The following EPHB2 variants were observed in gnomAD, a reference collection of about 807,000 sequenced individuals.
The protein encoded by EPHB2 is ephrin type-B receptor 2.
EPHB2 carries 18 observed loss-of-function variants against 96.4 expected under a neutral mutation model. That is an observed-to-expected ratio of 0.19 (90% CI 0.13 to 0.28). The LOEUF is 0.28. EPHB2 is among the 10% of genes least tolerant of loss of function. The probability of loss-of-function intolerance (pLI) is 1.00; values close to 1 mark genes in which losing one functional copy is unlikely to be tolerated. For synonymous variants in EPHB2, 506 were observed against 534.1 expected (o/e 0.95, Z 0.72); for missense variants, 989 against 1,355.4 (o/e 0.73, Z 4.25).
chr1:22,871,183 A>G (rs777479981), intron 5 of EPHB2, among the ~76,000 whole-genome samples: 2 of 152,202 alleles, frequency 1.3e-5, no homozygotes, highest in African/African-American at 4.8e-5. Context: ...ACTCTGCTCT[A>G]TCCCAGGCCA....
intron 3 of EPHB2, among the ~76,000 whole-genome samples, chr1:22,785,669 G>A (rs1212413176): frequency 6.6e-6 from 1 of 152,160 alleles, no homozygotes; most frequent in Non-Finnish European, 1.5e-5. Flanking sequence ...TTGGAATACT[G>A]GCTTTAAAGC....
At chr1:22,878,076 G>A (rs1638902803) in intron 5 of EPHB2, among the ~76,000 whole-genome samples, 3 of 152,268 alleles carry the variant, frequency 2.0e-5, no homozygotes, top group African/African-American at 7.2e-5. Flanking sequence ...AACAGCCTCT[G>A]CTGAAATCCC....
intron 3 of EPHB2, among the ~76,000 whole-genome samples, chr1:22,837,426 G>A (rs1166972119): frequency 6.6e-6 from 1 of 152,082 alleles, no homozygotes; most frequent in African/African-American, 2.4e-5. Context: ...TTTATGAGAG[G>A]GATGGGGGTT....
intron 1 of EPHB2, among the ~76,000 whole-genome samples, chr1:22,761,928 C>A (rs1003965279): frequency 6.6e-6 from 1 of 152,244 alleles, no homozygotes; most frequent in Non-Finnish European, 1.5e-5. Context: ...GTGTCTGCTG[C>A]GCATCTCTGC....
In EPHB2 at chr1:22,905,972, G is replaced by T; in HGVS notation, c.1766-15G>T. On this transcript the variant is annotated splice_polypyrimidine_tract_variant and intron_variant, in intron 9 of 15. Transcript: ENST00000374630. ...TGAGTCAGTCCATATGACAGAGCCTGGTCTTGTCCCCCAGTGACCCCAGGC... is the reference window on the plus strand; with the variant it reads ...TGAGTCAGTCCATATGACAGAGCCTTGTCTTGTCCCCCAGTGACCCCAGGC... 1 of 1,614,164 alleles carries T rather than the reference G, an allele frequency of 6.2e-7. No individual in the cohort carries two copies. The highest frequency in any genetic ancestry group is 2.2e-5 in the East Asian group (1 of 44,880).
intron 6 of EPHB2, among the ~76,000 whole-genome samples, chr1:22,883,653 A>G (rs542293587): frequency 3.9e-5 from 6 of 152,262 alleles, no homozygotes; most frequent in East Asian, 3.9e-4. Context: ...CTGGAGCCCA[A>G]CTTTCTAGAG....
intron 3 of EPHB2, among the ~76,000 whole-genome samples, chr1:22,859,084 G>T (rs1645750387): frequency 6.6e-6 from 1 of 152,180 alleles, no homozygotes. Flanking sequence ...GTTGCAATGA[G>T]CCAAGATCAT....
At chr1:22,723,036 C>A (rs551726509) in intron 1 of EPHB2, among the ~76,000 whole-genome samples, 3 of 152,162 alleles carry the variant, frequency 2.0e-5, no homozygotes, top group Non-Finnish European at 4.4e-5. Context: ...AGCACTGGGG[C>A]GGGGTGCAAG....
intron 3 of EPHB2, among the ~76,000 whole-genome samples, chr1:22,792,071 G>A (rs1294486892): frequency 1.3e-5 from 2 of 152,170 alleles, no homozygotes; most frequent in Admixed American, 1.3e-4. Context: ...CCCAGCCAAG[G>A]GAGGGAGGGG....
intron 1 of EPHB2, among the ~76,000 whole-genome samples, chr1:22,754,211 G>C (rs1644108797): frequency 6.6e-6 from 1 of 152,132 alleles, no homozygotes; most frequent in Admixed American, 6.5e-5. Flanking sequence ...AAACCAAAAT[G>C]GTGGCTCAAA....
intron 3 of EPHB2, among the ~76,000 whole-genome samples, chr1:22,847,484 G>T (rs1645560606): frequency 6.6e-6 from 1 of 152,206 alleles, no homozygotes; most frequent in Admixed American, 6.5e-5. Context: ...GGGAGGAAGG[G>T]CTCAAGACCT....
chr1:22,870,922 G>A (rs946558768), intron 5 of EPHB2, among the ~76,000 whole-genome samples: 3 of 152,218 alleles, frequency 2.0e-5, no homozygotes, highest in Non-Finnish European at 1.5e-5. Flanking sequence ...GGAGGATTTA[G>A]CTGTGAGGAT....
chr1:22,861,286 C>T (rs1441973091), intron 3 of EPHB2, among the ~76,000 whole-genome samples: 1 of 152,094 alleles, frequency 6.6e-6, no homozygotes, highest in African/African-American at 2.4e-5. Context: ...GTTCACTGCC[C>T]TCCTGCTTGC....
At chr1:22,775,524 G>A (rs191385068) in intron 1 of EPHB2, among the ~76,000 whole-genome samples, 94 of 152,382 alleles carry the variant, frequency 6.2e-4, no homozygotes, top group Non-Finnish European at 1.1e-3. Context: ...GCAACCACCC[G>A]CTCCAGCCTG....
At chr1:22,762,836 C>A (rs1321575698) in intron 1 of EPHB2, among the ~76,000 whole-genome samples, 2 of 152,188 alleles carry the variant, frequency 1.3e-5, no homozygotes, top group Non-Finnish European at 2.9e-5. Context: ...CCTGGGTGAA[C>A]TCTGCGCTGG....
intron 6 of EPHB2, among the ~76,000 whole-genome samples, chr1:22,887,911 C>T (rs1254323456): frequency 1.3e-5 from 2 of 152,314 alleles, no homozygotes; most frequent in East Asian, 1.9e-4. Flanking sequence ...CAGCTTGTTG[C>T]CCAGTACCTG....
chr1:22,861,718 G>T (rs920826587), intron 3 of EPHB2, among the ~76,000 whole-genome samples: 3 of 152,126 alleles, frequency 2.0e-5, no homozygotes, highest in Non-Finnish European at 2.9e-5. Flanking sequence ...GGCCAGAGCT[G>T]GTTGAGGGTT....
intron 1 of EPHB2, among the ~76,000 whole-genome samples, chr1:22,764,278 G>A (rs1036593337): frequency 1.1e-4 from 16 of 152,272 alleles, no homozygotes; most frequent in South Asian, 2.1e-4. Context: ...TAATGACCAC[G>A]GTCAATATTT....
chr1:22,731,621 C>T (rs1643714716), intron 1 of EPHB2, among the ~76,000 whole-genome samples: 1 of 152,118 alleles, frequency 6.6e-6, no homozygotes, highest in Admixed American at 6.5e-5. Flanking sequence ...AGGCAGATCA[C>T]GAGGTCAGGA....
Sources: allele counts gnomAD v4.1 joint callset (sites outside exome capture counted in the v4.1 genomes callset), GRCh38; gene constraint gnomAD v4.1.1; transcripts MANE v1.5; gene names NCBI Gene and HGNC (gene_info 2026-07-23, HGNC 2026-07-21).